Variants in GRB14 observed in about 807,000 individuals in gnomAD.
GRB14 encodes the protein growth factor receptor-bound protein 14.
GRB14 carries 38 observed loss-of-function variants against 69.1 expected under a neutral mutation model. The observed-to-expected ratio is 0.55, with a 90% CI of 0.42 to 0.72. The LOEUF (loss-of-function observed/expected upper bound fraction) is 0.72. Ranked by LOEUF, GRB14 falls within the 30% of genes least tolerant of loss-of-function variation. The pLI is 0.00. For synonymous variants in GRB14, 247 were observed against 241.3 expected (o/e 1.02, Z -0.22); for missense variants, 666 against 666.1 (o/e 1.00, Z 0.00).
chr2:164,562,921 A>T (rs550439490), intron 2 of GRB14, among the ~76,000 whole-genome samples: 1 of 152,226 alleles, frequency 6.6e-6, no homozygotes, highest in Non-Finnish European at 1.5e-5. Context: ...ATTTCACTAA[A>T]ATGCAAATAC....
At chr2:164,604,725 C>T (rs2105355037) in intron 2 of GRB14, among the ~76,000 whole-genome samples, 1 of 151,950 alleles carries the variant, frequency 6.6e-6, no homozygotes, top group Middle Eastern at 3.4e-3. Flanking sequence ...CATGGATAAA[C>T]TTCCAAAACA....
intron 2 of GRB14, among the ~76,000 whole-genome samples, chr2:164,594,486 T>C (rs1000181901): frequency 1.3e-5 from 2 of 152,126 alleles, no homozygotes; most frequent in African/African-American, 4.8e-5. Flanking sequence ...ATGCGTAGAG[T>C]TACGTTTCTG....
chr2:164,572,907 T>C (rs1158960683), intron 2 of GRB14, among the ~76,000 whole-genome samples: 1 of 152,184 alleles, frequency 6.6e-6, no homozygotes, highest in African/African-American at 2.4e-5. Flanking sequence ...AAAATACAAC[T>C]TGCACTGTCC....
At chr2:164,569,533 G>T (rs531860180) in intron 2 of GRB14, among the ~76,000 whole-genome samples, 1 of 152,202 alleles carries the variant, frequency 6.6e-6, no homozygotes, top group East Asian at 1.9e-4. Context: ...CAATGTGGTT[G>T]TTGTAGTAAC....
At chr2:164,571,558 T>G (rs888536155) in intron 2 of GRB14, among the ~76,000 whole-genome samples, 4 of 152,196 alleles carry the variant, frequency 2.6e-5, no homozygotes, top group Non-Finnish European at 5.9e-5. Flanking sequence ...TAAAATATTT[T>G]CATATCAATA....
intron 2 of GRB14, chr2:164,573,788 A>G (rs1210036582): frequency 6.2e-7 from 1 of 1,612,718 alleles, no homozygotes; most frequent in Admixed American, 1.7e-5. Context: ...CCACCAGTGT[A>G]TCAGCATTAA....
chr2:164,538,341 A>G (rs1001404542), intron 3 of GRB14, among the ~76,000 whole-genome samples: 2 of 152,190 alleles, frequency 1.3e-5, no homozygotes, highest in African/African-American at 4.8e-5. Context: ...CAAGACAAAC[A>G]TGGATCCCAT....
chr2:164,583,470 A>G (rs913872238), intron 2 of GRB14, among the ~76,000 whole-genome samples: 1 of 152,246 alleles, frequency 6.6e-6, no homozygotes, highest in Non-Finnish European at 1.5e-5. Flanking sequence ...AGATCTATGT[A>G]GAATTAAAAA....
chr2:164,589,156 T>G (rs1481093416), intron 2 of GRB14, among the ~76,000 whole-genome samples: 1 of 152,196 alleles, frequency 6.6e-6, no homozygotes, highest in African/African-American at 2.4e-5. Context: ...AGTTAAAATA[T>G]AAGATTAGTA....
chr2:164,548,284 C>A (rs141740094), intron 2 of GRB14, among the ~76,000 whole-genome samples: 200 of 152,262 alleles, frequency 1.3e-3, no homozygotes, highest in Middle Eastern at 3.4e-3. Context: ...GAAAGAAGGA[C>A]TTATTTCACT....
At chr2:164,524,678 G>T (rs546991531) in intron 5 of GRB14, among the ~76,000 whole-genome samples, 2 of 151,950 alleles carry the variant, frequency 1.3e-5, no homozygotes, top group Non-Finnish European at 2.9e-5. Context: ...ATTTTACAAA[G>T]AATTCTGATT....
At chr2:164,541,914 G>A (rs1412984005) in intron 3 of GRB14, among the ~76,000 whole-genome samples, 1 of 152,058 alleles carries the variant, frequency 6.6e-6, no homozygotes, top group Admixed American at 6.6e-5. Context: ...ATGTCCATGA[G>A]TATCCAATGT....
intron 3 of GRB14, among the ~76,000 whole-genome samples, chr2:164,542,740 A>G (rs1156709319): frequency 1.3e-5 from 2 of 152,192 alleles, no homozygotes; most frequent in Non-Finnish European, 2.9e-5. Flanking sequence ...TAAAAAAAAC[A>G]GCAGATATTG....
At chr2:164,604,948 T>C (rs1038930804) in intron 2 of GRB14, among the ~76,000 whole-genome samples, 2 of 152,190 alleles carry the variant, frequency 1.3e-5, no homozygotes, top group Non-Finnish European at 2.9e-5. Flanking sequence ...AAGGAGATGG[T>C]GGTACAACAC....
At chr2:164,498,376 T>C (rs1348799553) in intron 9 of GRB14, among the ~76,000 whole-genome samples, 1 of 152,192 alleles carries the variant, frequency 6.6e-6, no homozygotes, top group African/African-American at 2.4e-5. Flanking sequence ...CTTCTTTTTC[T>C]TTTTTGTTTG....
intron 6 of GRB14, among the ~76,000 whole-genome samples, chr2:164,509,355 A>T (rs545872026): frequency 1.3e-5 from 2 of 152,344 alleles, no homozygotes; most frequent in South Asian, 4.1e-4. Context: ...CACCACAGGA[A>T]GCAGCGACTC....
chr2:164,570,990 A>C (rs1689111075), intron 2 of GRB14, among the ~76,000 whole-genome samples: 1 of 152,216 alleles, frequency 6.6e-6, no homozygotes, highest in Non-Finnish European at 1.5e-5. Flanking sequence ...CTATGTTATC[A>C]AAAAGGCAAA....
intron 3 of GRB14, among the ~76,000 whole-genome samples, chr2:164,537,501 C>T (rs186373353): frequency 4.9e-4 from 74 of 152,216 alleles, no homozygotes; most frequent in Non-Finnish European, 4.1e-4. Context: ...CTATGAAGGG[C>T]AGACAGGTCA....
At chr2:164,503,999 G>A (rs1687128791) in intron 8 of GRB14, among the ~76,000 whole-genome samples, 1 of 152,050 alleles carries the variant, frequency 6.6e-6, no homozygotes, top group African/African-American at 2.4e-5. Context: ...ATATGTTAGA[G>A]AGGACCTTGC....
Sources: gnomAD v4.1 joint callset for allele counts (sites outside exome capture counted in the v4.1 genomes callset) on GRCh38, gnomAD v4.1.1 for gene constraint, MANE v1.5 for transcripts, NCBI Gene and HGNC (gene_info 2026-07-23, HGNC 2026-07-21) for gene names.